The following KLHL38 variants were observed in gnomAD, a reference collection of about 807,000 sequenced individuals.
The protein encoded by KLHL38 is kelch-like protein 38.
Under a neutral mutation model 39.6 loss-of-function variants are expected in KLHL38, and 38 were observed. That is an observed-to-expected ratio of 0.96 (90% CI 0.74 to 1.26). The LOEUF (loss-of-function observed/expected upper bound fraction) is 1.26. Among genes scored for constraint, KLHL38 ranks in the 50% most tolerant of loss-of-function variants. The pLI, the probability that KLHL38 is intolerant of heterozygous loss-of-function variation, is 0.00. For missense variants in KLHL38, 803 were observed against 748.1 expected (o/e 1.07, Z -0.86); for synonymous variants, 322 against 302.2 (o/e 1.07, Z -0.68).
intron 2 of KLHL38, among the ~76,000 whole-genome samples, chr8:123,649,299 C>T (rs1812593247): frequency 6.6e-6 from 1 of 152,036 alleles, no homozygotes; most frequent in African/African-American, 2.4e-5. Flanking sequence ...AATGTCTCCC[C>T]CACTTCAAGT....
Position 123,652,016 on chromosome 8 carries a change from A to G in KLHL38, c.911T>C (p.Leu304Pro). 6.2e-7 allele frequency: 1 copy of G among 1,614,218 alleles called. No individual in the cohort carries two copies. Among genetic ancestry groups the G allele is most frequent in the Non-Finnish European group, 8.5e-7 (1 of 1,180,040 alleles). The change falls in exon 2 of 4, where the codon CTG becomes CCG. Residue 304 changes from leucine to proline, a missense_variant. Leu to Pro is a moderately conservative substitution (Grantham distance 98). Transcript: ENST00000684634. ...DSQQTTRDVLLYSKQTGQWQS... is the reference protein window; with the variant it reads ...DSQQTTRDVLPYSKQTGQWQS... ...CCATTGGCCGGTCTGTTTGCTGTACAGTAGGACGTCCCTGGTGGTCTGCTG... is the reference window on the plus strand; with the variant it reads ...CCATTGGCCGGTCTGTTTGCTGTACGGTAGGACGTCCCTGGTGGTCTGCTG...
rs747029381 is a variant in KLHL38, at chr8:123,645,591, GC to G, written c.*147del. On this transcript the variant is annotated 3_prime_UTR_variant, in exon 4 of 4. Transcript: ENST00000684634. ...GAAGGAGAGAGAGAGTTCTGGCAAT[GC>G]AATGCCTAGTTCCAGGCCTCCCGAC... 42 of 721,812 alleles carry G rather than the reference GC, an allele frequency of 5.8e-5. No individual in the cohort carries two copies. Among genetic ancestry groups the G allele is most frequent in the Non-Finnish European group, 9.0e-5 (39 of 435,714 alleles). 44.7% of individuals were successfully genotyped at this position (721,812 alleles called of 1,614,324 possible).
rs1818642963 is a variant in KLHL38 at position 123,645,405 on chromosome 8, C to A, written c.*334G>T. ...TGAGCTGAGATAGCACCACTGCACT[C>A]CAGCCTGGGCTACAGAGTGAAACTC... On this transcript the variant is annotated 3_prime_UTR_variant, in exon 4 of 4. Coordinates refer to ENST00000684634, the MANE Select transcript of KLHL38 (RefSeq NM_001081675.3). 2 of 296,636 alleles carry A rather than the reference C, an allele frequency of 6.7e-6. No homozygotes were observed. Among genetic ancestry groups the A allele is most frequent in the Non-Finnish European group, 1.3e-5 (2 of 158,612 alleles). The allele number at this position is 296,636 out of a possible 1,614,324, so 18.4% of individuals were successfully genotyped here.
At chr8:123,649,378 T>C (rs1397496408) in intron 2 of KLHL38, among the ~76,000 whole-genome samples, 1 of 151,852 alleles carries the variant, frequency 6.6e-6, no homozygotes, top group African/African-American at 2.4e-5. Flanking sequence ...AGGGAGGAGC[T>C]GAAAATAATG....
rs1287196926 is a variant in KLHL38, at chr8:123,645,429, T to A, written c.*310A>T. 8.9e-6 allele frequency: 3 copies of A among 335,770 alleles called. No homozygotes were observed. Among genetic ancestry groups the A allele is most frequent in the Non-Finnish European group, 1.6e-5 (3 of 191,210 alleles). The allele number at this position is 335,770 out of a possible 1,614,324, so 20.8% of individuals were successfully genotyped here. A position where few individuals can be genotyped will look rare whatever the true frequency, so the allele number is the denominator to read the frequency against. ...TCCAGCCTGGGCTACAGAGTGAAAC[T>A]CCATCTCAAAAAAAAGAAAAAGAGA... On this transcript the variant is annotated 3_prime_UTR_variant, in exon 4 of 4. Coordinates refer to ENST00000684634, the MANE Select transcript of KLHL38 (RefSeq NM_001081675.3).
At chr8:123,646,292 C>T (rs570716717) in intron 3 of KLHL38, among the ~76,000 whole-genome samples, 2 of 152,340 alleles carry the variant, frequency 1.3e-5, no homozygotes, top group South Asian at 4.1e-4. Context: ...CTCCTGATTC[C>T]TGTAACTTTC....
chr8:123,652,639 C>T lies in KLHL38; in HGVS notation c.288G>A (p.Glu96=). Residue 96 remains glutamate, a synonymous_variant, in exon 2 of 4, where the codon GAG becomes GAA. Transcript: ENST00000684634. ...DQIVSYVYTG[E]AHIATDNVLP... ...GGACATTGTCAGTGGCAATATGTGC[C>T]TCCCCCGTATACACGTAGGAGACGA... The T allele has an allele frequency of 6.2e-7, 1 of 1,614,224 alleles. No homozygotes were observed. Among genetic ancestry groups the T allele is most frequent in the South Asian group, 1.1e-5 (1 of 91,090 alleles).
rs1812654892 is a variant in KLHL38 at position 123,651,939 on chromosome 8, A to G, written c.988T>C (p.Leu330=). 2 of 1,614,114 alleles carry G rather than the reference A, an allele frequency of 1.2e-6. No individual in the cohort carries two copies. Residue 330 remains leucine (L), a synonymous_variant, in exon 2 of 4, where the codon TTG becomes CTG. Transcript: ENST00000684634. ...TRLYKASAIT[L]HRSIYVLGGM... The stretch of plus-strand genomic sequence containing the variant: ...CCCAGCACATAGATGCTGCGGTGCA[A>G]GGTGATGGCAGAGGCCTTGTACAGC...
At chr8:123,651,082 A>G (rs966772768) in intron 2 of KLHL38, among the ~76,000 whole-genome samples, 1 of 152,224 alleles carries the variant, frequency 6.6e-6, no homozygotes, top group African/African-American at 2.4e-5. Flanking sequence ...TTATTTTTGC[A>G]CAAAAAAATT....
chr8:123,646,352 A>G (rs565615084), intron 3 of KLHL38, among the ~76,000 whole-genome samples: 22 of 152,330 alleles, frequency 1.4e-4, no homozygotes, highest in African/African-American at 5.1e-4. Context: ...AAGAACTATG[A>G]CAATCCTTTG....
Position 123,645,059 on chromosome 8 carries a change from G to GA in KLHL38, c.*679_*680insT, listed in dbSNP as rs1818634260. On this transcript the variant is annotated 3_prime_UTR_variant, in exon 4 of 4. Transcript: ENST00000684634. ...CTGAGAGAGAGAGAGAGAGAGAGGGGCAGAGAGAGGCAGAGAGACAGAGAA... is the reference window on the plus strand; with the variant it reads ...CTGAGAGAGAGAGAGAGAGAGAGGGGACAGAGAGAGGCAGAGAGACAGAGAA... Among the ~76,000 whole-genome samples, 1 of 39,062 alleles carries GA rather than the reference G, an allele frequency of 2.6e-5. No homozygotes were observed. The allele number at this position is 39,062 out of a possible 152,430, so 25.6% of individuals were successfully genotyped here.
At chr8:123,648,925 C>T (rs1484888657) in intron 2 of KLHL38, among the ~76,000 whole-genome samples, 1 of 152,206 alleles carries the variant, frequency 6.6e-6, no homozygotes, top group Non-Finnish European at 1.5e-5. Flanking sequence ...TCATTTTAAA[C>T]TATATTCGAA....
At position 123,644,693 on chromosome 8, in the gene KLHL38, C is replaced by G. The variant is rs1208639344; in HGVS notation, c.*1046G>C. 6.6e-6 allele frequency among the ~76,000 whole-genome samples: 1 copy of G among 152,126 alleles called. No homozygotes were observed. Among genetic ancestry groups the G allele is most frequent in the Non-Finnish European group, 1.5e-5 (1 of 68,028 alleles). On this transcript the variant is annotated 3_prime_UTR_variant, in exon 4 of 4. Transcript: ENST00000684634. ...ATGTGGTTTTTGTCTGGATTTCTCT[C>G]TTTGGGGAAATGCTTCTAACCCATT...
At position 123,652,759 on chromosome 8, in the gene KLHL38, G is replaced by A. The variant is rs764079399; in HGVS notation, c.168C>T (p.Ser56=). 1.9e-6 allele frequency: 3 copies of A among 1,614,202 alleles called. No homozygotes were observed. The highest frequency in any genetic ancestry group is 1.1e-5 in the South Asian group (1 of 91,090). The change falls in exon 2 of 4, where the codon AGC becomes AGT. Residue 56 remains serine (S), a synonymous_variant. Coordinates refer to ENST00000684634, the MANE Select transcript of KLHL38 (RefSeq NM_001081675.3). Reference sequence around the variant, plus strand: ...TGCAGAACATAGCCCTGAAGTAGGGGCTGCTGGAGGCCAGCACGTTGCGGT... The same window carrying A: ...TGCAGAACATAGCCCTGAAGTAGGGACTGCTGGAGGCCAGCACGTTGCGGT... ...PCHRNVLASS[S]PYFRAMFCSS...
At position 123,645,497 on chromosome 8, in the gene KLHL38, A is replaced by G; in HGVS notation, c.*242T>C. The G allele has an allele frequency of 1.9e-6, 1 of 533,932 alleles. No individual in the cohort carries two copies. Among genetic ancestry groups the G allele is most frequent in the South Asian group, 2.7e-5 (1 of 36,394 alleles). The allele number at this position is 533,932 out of a possible 1,614,324, so 33.1% of individuals were successfully genotyped here. A position where few individuals can be genotyped will look rare whatever the true frequency, so the allele number is the denominator to read the frequency against. On this transcript the variant is annotated 3_prime_UTR_variant, in exon 4 of 4. Coordinates refer to ENST00000684634, the MANE Select transcript of KLHL38 (RefSeq NM_001081675.3). ...AGAGAGAGACAGACAGAGATAGGGG[A>G]GAGAAAGAAAGAAGGGGGAAAGACA...
intron 2 of KLHL38, among the ~76,000 whole-genome samples, chr8:123,650,014 C>T (rs573907757): frequency 2.6e-4 from 39 of 152,220 alleles, no homozygotes; most frequent in African/African-American, 9.4e-4. Flanking sequence ...GAGCTTCCTG[C>T]ATCTCCCTCT....
chr8:123,648,280 C>G (rs1818695326), intron 2 of KLHL38, among the ~76,000 whole-genome samples: 2 of 152,176 alleles, frequency 1.3e-5, no homozygotes, highest in Admixed American at 6.5e-5. Context: ...GCTGCTCTGA[C>G]CAAGCCCAGA....
rs1229837043 is a variant in KLHL38, at chr8:123,652,677, T to C, written c.250A>G (p.Thr84Ala). 8.1e-6 allele frequency: 13 copies of C among 1,614,022 alleles called. No individual in the cohort carries two copies. The highest frequency in any genetic ancestry group is 1.7e-5 in the Admixed American group (1 of 60,010). The change falls in exon 2 of 4, where the codon ACC becomes GCC. Residue 84 changes from threonine to alanine, a missense_variant. Physicochemically the swap from Thr to Ala is moderately conservative, Grantham distance 58 (BLOSUM62 0). Transcript: ENST00000684634. Reference protein sequence around the residue: ...KVQLKGIDPPTLDQIVSYVYT... With the variant: ...KVQLKGIDPPALDQIVSYVYT... ...ACGTAGGAGACGATCTGGTCCAGGGTTGGGGGGTCAATGCCTTTCAGCTGC... is the reference window on the plus strand; with the variant it reads ...ACGTAGGAGACGATCTGGTCCAGGGCTGGGGGGTCAATGCCTTTCAGCTGC...
intron 1 of KLHL38, among the ~76,000 whole-genome samples, chr8:123,653,316 G>T (rs1310435075): frequency 3.9e-5 from 6 of 152,250 alleles, no homozygotes; most frequent in Admixed American, 3.3e-4. Context: ...CAGATCGATG[G>T]CATATCTGTT....
Sources: allele counts gnomAD v4.1 joint callset (sites outside exome capture counted in the v4.1 genomes callset), GRCh38; gene constraint gnomAD v4.1.1; transcripts MANE v1.5; gene names NCBI Gene and HGNC (gene_info 2026-07-23, HGNC 2026-07-21).